NUDT3: variants seen among roughly 807,000 people sequenced by gnomAD.
NUDT3 encodes diphosphoinositol polyphosphate phosphohydrolase 1.
In NUDT3, 9 loss-of-function variants were observed where a neutral mutation model predicts 23.6. That is an observed-to-expected ratio of 0.38 (90% CI 0.23 to 0.66). NUDT3 has a LOEUF of 0.66. Ranked by LOEUF, NUDT3 falls within the 30% of genes least tolerant of loss-of-function variation. The pLI, the probability that NUDT3 is intolerant of heterozygous loss-of-function variation, is 0.52. For missense variants in NUDT3, 172 were observed against 218.5 expected, an observed-to-expected ratio of 0.79 and a Z score of 1.34; for synonymous variants, 86 against 82.6, an observed-to-expected ratio of 1.04 and a Z score of -0.22.
intron 2 of NUDT3, among the ~76,000 whole-genome samples, chr6:34,298,210 A>C (rs115981626): frequency 0.094 from 14,356 of 151,966 alleles, 788 homozygotes; most frequent in Non-Finnish European, 0.12. Flanking sequence ...AAATACAAAA[A>C]ATTAGCTGGG....
intron 1 of NUDT3, among the ~76,000 whole-genome samples, chr6:34,359,148 CA>C (rs781700387): frequency 1.3e-5 from 2 of 152,074 alleles, no homozygotes; most frequent in Non-Finnish European, 2.9e-5. Context: ...CCGAGGTGGG[CA>C]GATCACAAGG....
At chr6:34,356,564 C>A (rs1271320174) in intron 1 of NUDT3, among the ~76,000 whole-genome samples, 1 of 152,106 alleles carries the variant, frequency 6.6e-6, no homozygotes, top group African/African-American at 2.4e-5. Flanking sequence ...GTAAGAATAA[C>A]AGCAACAGAC....
chr6:34,329,510 A>G (rs949584736), intron 2 of NUDT3, among the ~76,000 whole-genome samples: 2 of 152,024 alleles, frequency 1.3e-5, no homozygotes, highest in African/African-American at 2.4e-5. Flanking sequence ...CGAACTCCTG[A>G]CCTCAGGTGA....
intron 1 of NUDT3, among the ~76,000 whole-genome samples, chr6:34,356,449 T>C (rs573690016): frequency 2.6e-5 from 4 of 152,218 alleles, no homozygotes; most frequent in East Asian, 1.9e-4. Context: ...GTCTAAAACA[T>C]CTTGTCAAAT....
At chr6:34,383,312 T>C (rs1765053845) in intron 1 of NUDT3, among the ~76,000 whole-genome samples, 1 of 152,102 alleles carries the variant, frequency 6.6e-6, no homozygotes. Flanking sequence ...TTCATAAAAC[T>C]TTACTGTTTT....
intron 2 of NUDT3, among the ~76,000 whole-genome samples, chr6:34,298,089 C>T (rs933254449): frequency 6.6e-6 from 1 of 151,566 alleles, no homozygotes; most frequent in Non-Finnish European, 1.5e-5. Context: ...TGGCTGGGCA[C>T]GGTGGCTCAA....
intron 2 of NUDT3, among the ~76,000 whole-genome samples, chr6:34,310,199 C>T (rs779303842): frequency 5.9e-5 from 9 of 152,064 alleles, no homozygotes; most frequent in Non-Finnish European, 1.3e-4. Flanking sequence ...TACCACTGCA[C>T]GCCAGCCTGG....
chr6:34,345,934 G>A (rs1764361976), intron 1 of NUDT3, among the ~76,000 whole-genome samples: 1 of 151,080 alleles, frequency 6.6e-6, no homozygotes. Flanking sequence ...ACGCCCGGCC[G>A]ATTTTTGTAT....
chr6:34,319,542 G>A (rs920294814), intron 2 of NUDT3, among the ~76,000 whole-genome samples: 4 of 152,146 alleles, frequency 2.6e-5, no homozygotes, highest in Non-Finnish European at 4.4e-5. Flanking sequence ...CTGTTCTCTA[G>A]GAACCTCCAC....
intron 3 of NUDT3, among the ~76,000 whole-genome samples, chr6:34,294,041 G>A (rs544132126): frequency 2.6e-5 from 4 of 152,250 alleles, no homozygotes; most frequent in South Asian, 2.1e-4. Flanking sequence ...ACGGTAGAGC[G>A]CAGTGGCATG....
At position 34,392,409 on chromosome 6, in the gene NUDT3, G is replaced by A. The variant is rs201390357; in HGVS notation, c.-47C>T. ...GCGGTGCGGGTCGCAGGAGTCGAGG[G>A]GTGGGGAGCCCGCTCTGGACGGCCG... On this transcript the variant is annotated 5_prime_UTR_variant, in exon 1 of 5. Coordinates refer to ENST00000607016, the MANE Select transcript of NUDT3 (RefSeq NM_006703.4). 19 of 1,485,956 alleles carry A rather than the reference G, an allele frequency of 1.3e-5. No individual in the cohort carries two copies. In the East Asian group the frequency reaches 2.2e-4, roughly 17 times the overall value. The allele number at this position is 1,485,956 out of a possible 1,614,324, so 92.0% of individuals were successfully genotyped here.
At chr6:34,351,216 A>AAAAAAAAAAAAACAAAAAAAAAAAAAAAC (rs1561915130) in intron 1 of NUDT3, among the ~76,000 whole-genome samples, 1 of 130,826 alleles carries the variant, frequency 7.6e-6, no homozygotes. Flanking sequence ...AAAAAAAAAA[A>AAAAAAAAAAAAACAAAAAAAAAAAAAAAC]AAAAAAAAAA....
At position 34,287,056 on chromosome 6, in the gene NUDT3, G is replaced by A. The variant is rs912864626; in HGVS notation, c.*1697C>T. ...AGCCTCCCAAAGTGCTGGGATTACA[G>A]GTGTGAGCCACCGTGCCCAGTGAGT... On this transcript the variant is annotated 3_prime_UTR_variant, in exon 5 of 5. Transcript: ENST00000607016. The A allele has an allele frequency of 1.3e-5, 2 of 152,142 alleles. No homozygotes were observed. The highest frequency in any genetic ancestry group is 4.8e-5 in the African/African-American group (2 of 41,414). The allele number at this position is 152,142 out of a possible 1,614,324, so 9.4% of individuals were successfully genotyped here. A position where few individuals can be genotyped will look rare whatever the true frequency, so the allele number is the denominator to read the frequency against.
At position 34,288,607 on chromosome 6, in the gene NUDT3, C is replaced by T. The variant is rs1259491936; in HGVS notation, c.*146G>A. The stretch of plus-strand genomic sequence containing the variant: ...CCCATCACTTAACACCAAACAGCAA[C>T]ATTATCAATACACCCTTTCTTTGCT... On this transcript the variant is annotated 3_prime_UTR_variant, in exon 5 of 5. Coordinates refer to ENST00000607016, the MANE Select transcript of NUDT3 (RefSeq NM_006703.4). 1 of 1,115,852 alleles carries T rather than the reference C, an allele frequency of 9.0e-7. No individual in the cohort carries two copies. The highest frequency in any genetic ancestry group is 1.2e-6 in the Non-Finnish European group (1 of 808,392). 69.1% of individuals were successfully genotyped at this position (1,115,852 alleles called of 1,614,324 possible). A position where few individuals can be genotyped will look rare whatever the true frequency, so the allele number is the denominator to read the frequency against.
chr6:34,293,142 G>C (rs926918398), intron 4 of NUDT3, among the ~76,000 whole-genome samples: 3 of 152,030 alleles, frequency 2.0e-5, no homozygotes, highest in African/African-American at 7.2e-5. Context: ...GGCTCAATGT[G>C]ACCTCAAACT....
intron 1 of NUDT3, among the ~76,000 whole-genome samples, chr6:34,375,298 C>T (rs973773896): frequency 6.6e-6 from 1 of 151,896 alleles, no homozygotes; most frequent in Admixed American, 6.6e-5. Flanking sequence ...GAGCTGAGAT[C>T]GTGCCATTGC....
At chr6:34,304,121 C>T (rs1269952860) in intron 2 of NUDT3, among the ~76,000 whole-genome samples, 10 of 151,888 alleles carry the variant, frequency 6.6e-5, no homozygotes, top group African/African-American at 1.2e-4. Context: ...GGTGTCGTGG[C>T]GCATGCCTGT....
chr6:34,288,482 A>G lies in NUDT3; in HGVS notation c.*271T>C. ...GGGAAGGCTGTTGGCCTCTCTTCAGAGGACTGCAGGGGTGGGAAGAGGGAG... is the reference window on the plus strand; with the variant it reads ...GGGAAGGCTGTTGGCCTCTCTTCAGGGGACTGCAGGGGTGGGAAGAGGGAG... On this transcript the variant is annotated 3_prime_UTR_variant, in exon 5 of 5. Transcript: ENST00000607016. 3.0e-6 allele frequency: 1 copy of G among 338,268 alleles called. No individual in the cohort carries two copies. Among genetic ancestry groups the G allele is most frequent in the Non-Finnish European group, 5.3e-6 (1 of 188,074 alleles). 21.0% of individuals were successfully genotyped at this position (338,268 alleles called of 1,614,324 possible).
chr6:34,344,477 C>T lies in NUDT3; in HGVS notation c.100-2505G>A, dbSNP rs186925868. Among the ~76,000 whole-genome samples, 1,273 of 152,186 alleles carry T rather than the reference C, an allele frequency of 8.4e-3. 9 individuals carry two copies. Among genetic ancestry groups the T allele is most frequent in the African/African-American group, 0.024 (986 of 41,512 alleles). On this transcript the variant is annotated intron_variant, in intron 1 of 4. Transcript: ENST00000607016. ...TGTATGATTCCATGAATATGAAATA[C>T]GCAGAATAAGCAGAATAAGCAAATC... is the stretch of plus-strand genomic sequence containing the variant.
Sources: allele counts gnomAD v4.1 joint callset (sites outside exome capture counted in the v4.1 genomes callset), GRCh38; gene constraint gnomAD v4.1.1; transcripts MANE v1.5; gene names NCBI Gene and HGNC (gene_info 2026-07-23, HGNC 2026-07-21).